The following ADCYAP1R1 variants were observed in gnomAD, a reference collection of about 807,000 sequenced individuals.
The protein encoded by ADCYAP1R1 is pituitary adenylate cyclase-activating polypeptide type I receptor.
ADCYAP1R1 carries 44 observed loss-of-function variants against 67.6 expected under a neutral mutation model. The ratio of observed to expected loss-of-function variants is 0.65; its 90% CI spans 0.51 to 0.84. The LOEUF (loss-of-function observed/expected upper bound fraction) is 0.84, where lower values mean the gene tolerates loss of function less well. ADCYAP1R1 is among the 40% of genes least tolerant of loss of function. ADCYAP1R1 has a pLI of 0.00. For synonymous variants in ADCYAP1R1, 222 were observed against 219.6 expected, an observed-to-expected ratio of 1.01 and a Z score of -0.10; for missense variants, 477 against 587.9, an observed-to-expected ratio of 0.81 and a Z score of 1.95.
At position 31,106,743 on chromosome 7, in the gene ADCYAP1R1, C is replaced by T; in HGVS notation, c.*59C>T. 1.3e-6 allele frequency: 2 copies of T among 1,497,884 alleles called. No individual in the cohort carries two copies. The highest frequency in any genetic ancestry group is 1.8e-6 in the Non-Finnish European group (2 of 1,121,760). The allele number at this position is 1,497,884 out of a possible 1,614,324, so 92.8% of individuals were successfully genotyped here. On this transcript the variant is annotated 3_prime_UTR_variant, in exon 16 of 16. Coordinates refer to ENST00000304166, the MANE Select transcript of ADCYAP1R1 (RefSeq NM_001118.5). ...ACAGGCTGGGACCGCAGGCAGGTGC[C>T]AGCCCACGCATGTTTGCGCCTCTTC...
chr7:31,106,717 C>G lies in ADCYAP1R1; in HGVS notation c.*33C>G, dbSNP rs1437048742. The G allele has an allele frequency of 1.9e-6, 3 of 1,568,672 alleles. No individual in the cohort carries two copies. The highest frequency in any genetic ancestry group is 2.6e-6 in the Non-Finnish European group (3 of 1,157,320). On this transcript the variant is annotated 3_prime_UTR_variant, in exon 16 of 16. Transcript: ENST00000304166. The stretch of plus-strand genomic sequence containing the variant: ...TCCCCTCCTCCTCCTCTCCTCCATC[C>G]ACAGGCTGGGACCGCAGGCAGGTGC...
At chr7:31,053,909 G>T (rs1794132510) in intron 1 of ADCYAP1R1, among the ~76,000 whole-genome samples, 1 of 152,192 alleles carries the variant, frequency 6.6e-6, no homozygotes, top group Non-Finnish European at 1.5e-5. Flanking sequence ...GTGGCGGTAG[G>T]ATTCCCAAGC....
Position 31,077,978 on chromosome 7 carries a change from G to T in ADCYAP1R1, c.158-13G>T. On this transcript the variant is annotated splice_polypyrimidine_tract_variant and intron_variant, in intron 3 of 15. Transcript: ENST00000304166. ...GTGGCTGGCCCCTCTCACCATGGCTGTCTTACCCACAGGCTGTCCTGGGAT... is the reference window on the plus strand; with the variant it reads ...GTGGCTGGCCCCTCTCACCATGGCTTTCTTACCCACAGGCTGTCCTGGGAT... The T allele has an allele frequency of 2.5e-6, 4 of 1,594,102 alleles. No homozygotes were observed. The highest frequency in any genetic ancestry group is 3.4e-6 in the Non-Finnish European group (4 of 1,169,722).
At chr7:31,084,637 G>C in intron 7 of ADCYAP1R1, 100 bp from the exon 8 acceptor site, 1 of 938,760 alleles carries the variant, frequency 1.1e-6, no homozygotes, top group Admixed American at 1.7e-5. Flanking sequence ...AGGCCTGGAG[G>C]TGGGCAGGCC....
intron 1 of ADCYAP1R1, among the ~76,000 whole-genome samples, chr7:31,062,942 A>G (rs1313393605): frequency 6.6e-6 from 1 of 152,234 alleles, no homozygotes; most frequent in East Asian, 1.9e-4. Context: ...ATTCCAGACC[A>G]TGCCAGGAGA....
chr7:31,106,722 G>T lies in ADCYAP1R1; in HGVS notation c.*38G>T, dbSNP rs761338786. On this transcript the variant is annotated 3_prime_UTR_variant, in exon 16 of 16. Coordinates refer to ENST00000304166, the MANE Select transcript of ADCYAP1R1 (RefSeq NM_001118.5). ...TCCTCCTCCTCTCCTCCATCCACAG[G>T]CTGGGACCGCAGGCAGGTGCCAGCC... 1 of 1,547,250 alleles carries T rather than the reference G, an allele frequency of 6.5e-7. No homozygotes were observed. The highest frequency in any genetic ancestry group is 8.7e-7 in the Non-Finnish European group (1 of 1,146,146).
At chr7:31,090,555 T>A (rs78577367) in intron 12 of ADCYAP1R1, among the ~76,000 whole-genome samples, 16,244 of 152,146 alleles carry the variant, frequency 0.11, 1,619 homozygotes, top group African/African-American at 0.27. Context: ...TAGTTTTTCA[T>A]CCCTTGCCCC....
At chr7:31,098,856 G>A (rs1387698457) in intron 13 of ADCYAP1R1, among the ~76,000 whole-genome samples, 1 of 152,104 alleles carries the variant, frequency 6.6e-6, no homozygotes, top group Non-Finnish European at 1.5e-5. Flanking sequence ...AATGCCAAGG[G>A]TGTGGTCTCT....
At chr7:31,063,485 C>T (rs541093767) in intron 2 of ADCYAP1R1, among the ~76,000 whole-genome samples, 170 bp downstream of exon 2, 85 of 152,348 alleles carry the variant, frequency 5.6e-4, no homozygotes, top group African/African-American at 1.9e-3. Context: ...AAAGACATGC[C>T]TTCCTCAAGA....
At chr7:31,073,561 C>G (rs1472993041) in intron 3 of ADCYAP1R1, among the ~76,000 whole-genome samples, 2 of 152,200 alleles carry the variant, frequency 1.3e-5, no homozygotes, top group African/African-American at 4.8e-5. Context: ...GAGCCCAACT[C>G]CCATCCTCCC....
intron 3 of ADCYAP1R1, among the ~76,000 whole-genome samples, chr7:31,067,397 T>G (rs1794781170): frequency 6.6e-6 from 1 of 152,118 alleles, no homozygotes; most frequent in African/African-American, 2.4e-5. Flanking sequence ...GCTCTGGGCC[T>G]CAGGAGCTTC....
At chr7:31,077,043 C>T (rs747372453) in intron 3 of ADCYAP1R1, among the ~76,000 whole-genome samples, 1 of 152,170 alleles carries the variant, frequency 6.6e-6, no homozygotes, top group Non-Finnish European at 1.5e-5. Context: ...CAGGTGAGGG[C>T]TCCCTCCTTC....
At chr7:31,081,592 C>A in intron 5 of ADCYAP1R1, 121 bp from the exon 6 acceptor site, 1 of 708,740 alleles carries the variant, frequency 1.4e-6, no homozygotes, top group Non-Finnish European at 2.3e-6. Flanking sequence ...GCCTCTTGGC[C>A]AGGACTCCAT....
intron 13 of ADCYAP1R1, among the ~76,000 whole-genome samples, chr7:31,096,245 G>A (rs1323653529): frequency 1.3e-5 from 2 of 152,132 alleles, no homozygotes; most frequent in East Asian, 3.9e-4. Context: ...TTGGGTGGAG[G>A]AGGGAAAACC....
chr7:31,084,081 A>G, intron 6 of ADCYAP1R1, 60 bp from the exon 7 acceptor site: 1 of 1,464,346 alleles, frequency 6.8e-7, no homozygotes, highest in Non-Finnish European at 9.5e-7. Flanking sequence ...ATTTTTGCAT[A>G]AGAATTTCAG....
intron 3 of ADCYAP1R1, among the ~76,000 whole-genome samples, chr7:31,066,790 G>A (rs111377374): frequency 2.0e-5 from 3 of 152,330 alleles, no homozygotes; most frequent in African/African-American, 7.2e-5. Context: ...GGGATAAGTA[G>A]GCATTTGAAG....
intron 1 of ADCYAP1R1, among the ~76,000 whole-genome samples, chr7:31,062,010 C>T (rs1402270762): frequency 6.6e-6 from 1 of 152,186 alleles, no homozygotes; most frequent in Non-Finnish European, 1.5e-5. Flanking sequence ...AACCATCGTA[C>T]AGCTGAACTG....
chr7:31,071,108 A>G (rs899872439), intron 3 of ADCYAP1R1, among the ~76,000 whole-genome samples: 9 of 152,246 alleles, frequency 5.9e-5, no homozygotes, highest in African/African-American at 1.9e-4. Context: ...AGGGAGGACC[A>G]TGGCTTTGCC....
At chr7:31,101,393 G>A (rs1016403965) in intron 13 of ADCYAP1R1, among the ~76,000 whole-genome samples, 2 of 152,176 alleles carry the variant, frequency 1.3e-5, no homozygotes, top group Admixed American at 6.5e-5. Context: ...CTTGGAAATG[G>A]TCCCACCTAT....
Sources: allele counts gnomAD v4.1 joint callset (sites outside exome capture counted in the v4.1 genomes callset), GRCh38; gene constraint gnomAD v4.1.1; transcripts MANE v1.5; gene names NCBI Gene and HGNC (gene_info 2026-07-23, HGNC 2026-07-21).